The following RBFOX1 variants were observed in gnomAD, a reference collection of about 807,000 sequenced individuals.
RBFOX1 encodes RNA binding fox-1 homolog 1, also known as RNA binding protein fox-1 homolog 1.
RBFOX1 carries 8 observed loss-of-function variants against 57.7 expected under a neutral mutation model. The ratio of observed to expected loss-of-function variants is 0.14; its 90% confidence interval spans 0.08 to 0.25. The LOEUF (loss-of-function observed/expected upper bound fraction) is 0.25. RBFOX1 is among the 10% of genes least tolerant of loss of function. The probability of loss-of-function intolerance (pLI) is 1.00; values close to 1 mark genes in which losing one functional copy is unlikely to be tolerated. For synonymous variants in RBFOX1, 326 were observed against 222.4 expected, an observed-to-expected ratio of 1.47 and a Z score of -4.15; for missense variants, 611 against 548.5, an observed-to-expected ratio of 1.11 and a Z score of -1.14.
intron 2 of RBFOX1, among the ~76,000 whole-genome samples, chr16:5,544,951 CTTTTTTTTTTT>C (rs59873374): frequency 2.7e-4 from 33 of 124,338 alleles, no homozygotes; most frequent in Non-Finnish European, 4.3e-4. Flanking sequence ...CTATTACATT[CTTTTTTTTTTT>C]TTTTTTTTTT....
At chr16:7,092,479 G>A (rs994422109) in intron 4 of RBFOX1, among the ~76,000 whole-genome samples, 1 of 152,172 alleles carries the variant, frequency 6.6e-6, no homozygotes, top group Non-Finnish European at 1.5e-5. Flanking sequence ...TTCCACAACA[G>A]CCTCTTTAAT....
At chr16:5,645,125 CGTAATCCCAG>C (rs918630428) in intron 3 of RBFOX1, among the ~76,000 whole-genome samples, 6 of 151,550 alleles carry the variant, frequency 4.0e-5, no homozygotes, top group Admixed American at 6.6e-5. Flanking sequence ...GATGCATGCC[CGTAATCCCAG>C]GTACTTGAGA....
intron 3 of RBFOX1, among the ~76,000 whole-genome samples, chr16:6,895,698 A>G (rs1045075680): frequency 2.4e-4 from 36 of 151,792 alleles, no homozygotes; most frequent in African/African-American, 8.5e-4. Context: ...AAATAAAGGA[A>G]GAGTAAAGGA....
At chr16:6,531,413 C>T (rs571671208) in intron 2 of RBFOX1, among the ~76,000 whole-genome samples, 2 of 152,194 alleles carry the variant, frequency 1.3e-5, no homozygotes, top group African/African-American at 4.8e-5. Flanking sequence ...CTTAAGACAT[C>T]TTACTCGTTG....
At chr16:7,487,772 A>G (rs1009005049) in intron 4 of RBFOX1, among the ~76,000 whole-genome samples, 17 of 152,150 alleles carry the variant, frequency 1.1e-4, no homozygotes, top group Non-Finnish European at 2.4e-4. Flanking sequence ...CTCATTCAGC[A>G]CTTGGACAAC....
At chr16:6,835,826 C>T (rs900724513) in intron 3 of RBFOX1, among the ~76,000 whole-genome samples, 6 of 145,930 alleles carry the variant, frequency 4.1e-5, no homozygotes, top group Admixed American at 3.4e-4. Context: ...GATGGATGGA[C>T]AGTTCTACTC....
chr16:6,514,253 A>G (rs2096321954), intron 2 of RBFOX1, among the ~76,000 whole-genome samples: 1 of 152,150 alleles, frequency 6.6e-6, no homozygotes, highest in African/African-American at 2.4e-5. Context: ...TGTAGCACAC[A>G]CACGTACACG....
At position 5,549,575 on chromosome 16, in the gene RBFOX1, A is replaced by G. The variant is rs1021303057; in HGVS notation, c.259-49327A>G. ...GATAGCGTGACATGTATTTTCCTAA[A>G]CTTGACTATACTATGCAGAATTGCA... On this transcript the variant is annotated intron_variant, in intron 2 of 2. Coordinates refer to the RBFOX1 transcript ENST00000585867. 7.2e-5 allele frequency among the ~76,000 whole-genome samples: 11 copies of G among 152,328 alleles called. No homozygotes were observed. The East Asian group carries it at 9.6e-4, about 13-fold the overall frequency.
At chr16:6,280,977 GTATA>G (rs895243973) in intron 1 of RBFOX1, among the ~76,000 whole-genome samples, 1 of 148,702 alleles carries the variant, frequency 6.7e-6, no homozygotes, top group African/African-American at 2.6e-5. Context: ...GTATGTGTGT[GTATA>G]TATATGTGTG....
intron 1 of RBFOX1, among the ~76,000 whole-genome samples, chr16:6,220,090 A>G (rs1015099352): frequency 1.3e-5 from 2 of 152,008 alleles, no homozygotes; most frequent in Admixed American, 6.6e-5. Flanking sequence ...ATATTTTTCT[A>G]TATGTACATA....
At chr16:7,297,472 C>A (rs138112270) in intron 4 of RBFOX1, among the ~76,000 whole-genome samples, 6 of 152,096 alleles carry the variant, frequency 3.9e-5, no homozygotes, top group Non-Finnish European at 5.9e-5. Context: ...ATGCTGTAAA[C>A]GGATAAGAGA....
At chr16:7,401,967 A>C (rs1254441852) in intron 4 of RBFOX1, among the ~76,000 whole-genome samples, 1 of 152,214 alleles carries the variant, frequency 6.6e-6, no homozygotes, top group Non-Finnish European at 1.5e-5. Flanking sequence ...TTAATAATAC[A>C]TCAAGCATGC....
intron 4 of RBFOX1, among the ~76,000 whole-genome samples, chr16:7,119,854 A>G (rs1428293790): frequency 6.6e-6 from 1 of 152,162 alleles, no homozygotes; most frequent in Non-Finnish European, 1.5e-5. Flanking sequence ...CCAACAAAAC[A>G]TAGTTAAAAT....
intron 2 of RBFOX1, among the ~76,000 whole-genome samples, chr16:6,332,583 A>T (rs2083174670): frequency 6.6e-6 from 1 of 152,188 alleles, no homozygotes; most frequent in Admixed American, 6.5e-5. Context: ...TTCATGTCAC[A>T]GCATAGCGTG....
chr16:6,639,968 T>C (rs949945669), intron 2 of RBFOX1, among the ~76,000 whole-genome samples: 1 of 152,166 alleles, frequency 6.6e-6, no homozygotes, highest in Non-Finnish European at 1.5e-5. Context: ...GCACTCTGTA[T>C]AGCTTATCTC....
chr16:7,587,216 T>C, intron 6 of RBFOX1, 31 bp from the exon 7 acceptor site: 18 of 1,502,706 alleles, frequency 1.2e-5, no homozygotes, highest in Non-Finnish European at 1.6e-5. Context: ...ATTTCTCTTC[T>C]TGCTTATAAG....
rs574777415 is a variant in RBFOX1, at chr16:7,284,161, A to G, written c.27+232063A>G. On this transcript the variant is annotated intron_variant, in intron 4 of 15. Coordinates refer to ENST00000550418, the MANE Select transcript of RBFOX1 (RefSeq NM_018723.4). ...TAGCATTCTGTGGTACAGATGCACT[A>G]TAGTTTATTCACTAGTTGAAGGGCG... 2.0e-5 allele frequency among the ~76,000 whole-genome samples: 3 copies of G among 152,346 alleles called. No homozygotes were observed. In the South Asian group the frequency reaches 6.2e-4, roughly 32 times the overall value.
At chr16:5,983,455 C>T (rs2060213947) in intron 4 of RBFOX1, among the ~76,000 whole-genome samples, 1 of 152,128 alleles carries the variant, frequency 6.6e-6, no homozygotes, top group African/African-American at 2.4e-5. Context: ...GGGCTGGGGC[C>T]CTGGCACTGA....
chr16:7,537,732 G>A (rs1395579), intron 5 of RBFOX1, among the ~76,000 whole-genome samples: 77,785 of 152,088 alleles, frequency 0.51, 24,068 homozygotes, highest in Non-Finnish European at 0.71. Flanking sequence ...CAGGAATAGT[G>A]TTTGGAATTA....
Sources: allele counts gnomAD v4.1 joint callset (sites outside exome capture counted in the v4.1 genomes callset), GRCh38; gene constraint gnomAD v4.1.1; transcripts MANE v1.5; gene names NCBI Gene and HGNC (gene_info 2026-07-23, HGNC 2026-07-21).